ACADVL: variants seen among roughly 807,000 people sequenced by gnomAD.
ACADVL encodes acyl-CoA dehydrogenase very long chain, also known as very long-chain acyl-CoA dehydrogenase, mitochondrial.
A neutral mutation model predicts 80.4 loss-of-function variants in ACADVL; 73 were observed. The ratio of observed to expected loss-of-function variants is 0.91; its 90% CI spans 0.75 to 1.10. ACADVL has a LOEUF of 1.10. ACADVL is among the 50% of genes least tolerant of loss of function. The pLI is 0.00. For missense variants in ACADVL, 878 were observed against 858.9 expected (o/e 1.02, Z -0.28); for synonymous variants, 392 against 326.5 (o/e 1.20, Z -2.16).
upstream of ACADVL, chr17:7,218,645 G>A (rs1453091576): frequency 6.4e-7 from 1 of 1,557,800 alleles, no homozygotes; most frequent in Admixed American, 1.9e-5. Flanking sequence ...GGGAGCTAGT[G>A]AGATGCAAGG....
At chr17:7,222,586 CA>C (rs2071282889) in intron 9 of ACADVL, 80 bp from the exon 10 acceptor site, 1 of 1,398,882 alleles carries the variant, frequency 7.1e-7, no homozygotes, top group East Asian at 2.5e-5. Context: ...CTCCCTGGTG[CA>C]TAAGGAGCGA....
Position 7,223,229 on chromosome 17 carries a change from G to GT in ACADVL, c.1175dup (p.Thr393AsnfsTer2). The stretch of plus-strand genomic sequence containing the variant: ...GGCACGGATGGTTATGCTGCAGTAT[G>GT]TAACTGAGGTGAGGGCCTCCCAAGC... On this transcript the variant is annotated frameshift_variant, in exon 11 of 20. Transcript: ENST00000356839. LOFTEE classifies it high-confidence loss of function. 1 of 1,613,356 alleles carries GT rather than the reference G, an allele frequency of 6.2e-7. No homozygotes were observed. Among genetic ancestry groups the GT allele is most frequent in the Admixed American group, 1.7e-5 (1 of 60,028 alleles).
rs2071396445 is a variant in ACADVL at position 7,224,716 on chromosome 17, TGAG to T, written c.1751+7_1751+9del. The stretch of plus-strand genomic sequence containing the variant: ...TGCCATGGTGGTGGTTCTCTCGAGG[TGAG>T]GAGGCAGGCAGGGAATGCCTGAGCC... On this transcript the variant is annotated splice_donor_5th_base_variant and intron_variant, in intron 18 of 19. Transcript: ENST00000356839. The T allele has an allele frequency of 1.9e-6, 3 of 1,582,618 alleles. No homozygotes were observed. Among genetic ancestry groups the T allele is most frequent in the Non-Finnish European group, 1.7e-6 (2 of 1,165,192 alleles).
At chr17:7,221,100 A>G in intron 6 of ACADVL, 42 bp downstream of exon 6, 2 of 1,611,758 alleles carry the variant, frequency 1.2e-6, no homozygotes, top group Non-Finnish European at 1.7e-6. Context: ...GCCATACCCC[A>G]GCTTGGCAGA....
At chr17:7,218,120 ACTGACTCAGG>A, upstream of ACADVL, 1 of 904,912 alleles carries the variant, frequency 1.1e-6, no homozygotes, top group Non-Finnish European at 1.7e-6. Flanking sequence ...TCCCTGGGCC[ACTGACTCAGG>A]CTTTTGTCAG....
chr17:7,219,631 G>A (rs2071087090), upstream of ACADVL: 8 of 1,221,552 alleles, frequency 6.5e-6, no homozygotes, highest in African/African-American at 1.6e-5. Context: ...TAACCCCACC[G>A]GAGAAGCCCT....
chr17:7,222,340 G>T, intron 9 of ACADVL, 38 bp downstream of exon 9: 1 of 1,605,558 alleles, frequency 6.2e-7, no homozygotes, highest in South Asian at 1.1e-5. Context: ...AGGACTGAGG[G>T]GCAGGACTGG....
chr17:7,219,842 C>A, upstream of ACADVL: 1 of 1,538,138 alleles, frequency 6.5e-7, no homozygotes, highest in Non-Finnish European at 8.7e-7. Flanking sequence ...ACTACAGCTC[C>A]CAGCATGCCC....
At chr17:7,223,780 C>T in intron 12 of ACADVL, 33 bp from the exon 13 acceptor site, 1 of 1,614,074 alleles carries the variant, frequency 6.2e-7, no homozygotes, top group Non-Finnish European at 8.5e-7. Context: ...TGCTCAGCTC[C>T]CAAAACCAGT....
upstream of ACADVL, chr17:7,218,971 C>T (rs375703576): frequency 9.5e-7 from 1 of 1,049,218 alleles, no homozygotes. Flanking sequence ...TGTCCCATTC[C>T]CCCAGGTCCC....
chr17:7,221,350 C>A, intron 6 of ACADVL, 188 bp from the exon 7 acceptor site: 1 of 1,078,146 alleles, frequency 9.3e-7, no homozygotes, highest in Non-Finnish European at 1.4e-6. Flanking sequence ...CTAAGACAGA[C>A]CAGCATTCTC....
chr17:7,224,000 T>C lies in ACADVL; in HGVS notation c.1365T>C (p.Leu455=). The C allele has an allele frequency of 1.2e-6, 2 of 1,613,456 alleles. No individual in the cohort carries two copies. Among genetic ancestry groups the C allele is most frequent in the Non-Finnish European group, 1.7e-6 (2 of 1,179,802 alleles). ...EPGVERVLRD[L]RIFRIFEGTN... is the part of the protein sequence containing the mutation. ...GAGTAGAGCGTGTGCTCCGAGATCT[T>C]CGCATCTTCCGGATCTTTGAGGGGA... The change falls in exon 14 of 20, where the codon CTT becomes CTC. Residue 455 remains leucine (L), a synonymous_variant. Coordinates refer to ENST00000356839, the MANE Select transcript of ACADVL (RefSeq NM_000018.4).
Position 7,222,101 on chromosome 17 carries a change from TCC to T in ACADVL, c.752+23_752+24del. The stretch of plus-strand genomic sequence containing the variant: ...GATCAGGCAACCTGCCTCCCATTTC[TCC>T]CCTTCTCCTCCGCCCAATTCCAGGC... On this transcript the variant is annotated intron_variant, in intron 8 of 19. Coordinates refer to ENST00000356839, the MANE Select transcript of ACADVL (RefSeq NM_000018.4). The T allele has an allele frequency of 1.2e-6, 2 of 1,614,072 alleles. No individual in the cohort carries two copies. Among genetic ancestry groups the T allele is most frequent in the Non-Finnish European group, 1.7e-6 (2 of 1,180,012 alleles).
rs147366714 is a variant in ACADVL, at chr17:7,222,735, G to C, written c.947G>C (p.Arg316Pro). Residue 316 changes from arginine (R) to proline (P), a missense_variant, in exon 10 of 20, where the codon CGG (arginine) becomes CCG (proline). Arg to Pro is a moderately radical substitution (Grantham distance 103). Transcript: ENST00000356839. The stretch of plus-strand genomic sequence containing the variant: ...GCAGAGGTGTTCTTTGATGGAGTAC[G>C]GGTGCCATCGGAGAACGTGCTGGGT... Reference protein sequence around the residue: ...NTAEVFFDGVRVPSENVLGEV... With the variant: ...NTAEVFFDGVPVPSENVLGEV... 6.2e-7 allele frequency: 1 copy of C among 1,614,106 alleles called. No individual in the cohort carries two copies. Among genetic ancestry groups the C allele is most frequent in the Non-Finnish European group, 8.5e-7 (1 of 1,180,018 alleles).
Position 7,222,221 on chromosome 17 carries a change from CAGTT to C in ACADVL, c.799_802del (p.Val267GlnfsTer8), listed in dbSNP as rs761204548. The C allele has an allele frequency of 6.2e-7, 1 of 1,614,012 alleles. No homozygotes were observed. ...ATCTTCACGGTCTTTGCCAAGACACCAGTTACAGATCCAGCCACAGGAGCCGTGA... is the reference window on the plus strand; with the variant it reads ...ATCTTCACGGTCTTTGCCAAGACACCACAGATCCAGCCACAGGAGCCGTGA... On this transcript the variant is annotated frameshift_variant, in exon 9 of 20. Transcript: ENST00000356839. LOFTEE classifies it high-confidence loss of function.
At chr17:7,218,098 C>T (rs1399500213), upstream of ACADVL, 21 of 750,070 alleles carry the variant, frequency 2.8e-5, no homozygotes, top group South Asian at 2.8e-4. Flanking sequence ...AGTGCATTCT[C>T]GGTGCCCCAA....
At chr17:7,221,409 C>T in intron 6 of ACADVL, 129 bp from the exon 7 acceptor site, 2 of 1,447,094 alleles carry the variant, frequency 1.4e-6, no homozygotes, top group Non-Finnish European at 1.9e-6. Context: ...CTGGGGATGG[C>T]CCAGGTCAGG....
intron 15 of ACADVL, 25 bp from the exon 16 acceptor site, chr17:7,224,296 C>T (rs761358426): frequency 1.2e-6 from 2 of 1,613,620 alleles, no homozygotes; most frequent in South Asian, 2.2e-5. Context: ...GGCAACTAAC[C>T]AGTCATTCTC....
chr17:7,224,470 A>G lies in ACADVL; in HGVS notation c.1606-10A>G, dbSNP rs2071381723. The stretch of plus-strand genomic sequence containing the variant: ...CCCCTCTGAGCCCCGCACTGTCCCC[A>G]TCTCTTAAGGCAGTACGGGCTCTGG... On this transcript the variant is annotated splice_polypyrimidine_tract_variant and intron_variant, in intron 16 of 19. Transcript: ENST00000356839. 1 of 1,613,786 alleles carries G rather than the reference A, an allele frequency of 6.2e-7. No individual in the cohort carries two copies. The highest frequency in any genetic ancestry group is 1.3e-5 in the African/African-American group (1 of 74,890).
Sources: gnomAD v4.1 joint callset for allele counts on GRCh38, gnomAD v4.1.1 for gene constraint, MANE v1.5 for transcripts, NCBI Gene and HGNC (gene_info 2026-07-23, HGNC 2026-07-21) for gene names.